Variants in FGF6 observed in about 807,000 individuals in gnomAD.
FGF6 encodes FGF-6.
Under a neutral mutation model 18.4 loss-of-function variants are expected in FGF6, and 14 were observed. That is an observed-to-expected ratio of 0.76 (90% CI 0.50 to 1.19). The LOEUF is 1.19. Among genes scored for constraint, FGF6 ranks in the 50% most tolerant of loss-of-function variants. The pLI, the probability that FGF6 is intolerant of heterozygous loss-of-function variation, is 0.00. For synonymous variants in FGF6, 125 were observed against 116.7 expected (o/e 1.07, Z -0.46); for missense variants, 266 against 271.6 (o/e 0.98, Z 0.15).
rs576882528 is a variant in FGF6 at position 4,445,757 on chromosome 12, C to T, written c.-187G>A. 1.4e-4 allele frequency: 81 copies of T among 592,732 alleles called. No homozygotes were observed. Among genetic ancestry groups the T allele is most frequent in the Non-Finnish European group, 2.1e-4 (71 of 336,052 alleles). 36.7% of individuals were successfully genotyped at this position (592,732 alleles called of 1,614,324 possible). A position where few individuals can be genotyped will look rare whatever the true frequency, so the allele number is the denominator to read the frequency against. On this transcript the variant is annotated 5_prime_UTR_variant, in exon 1 of 3. Transcript: ENST00000228837. The surrounding 1 kb of genome is among the most constrained non-coding windows in gnomAD (Gnocchi z 5.5). ...AGAGGGACCCAGGCTGAGCCGCGGCCGGTAGAGACCATGGCTCGGGGACGC... is the reference window on the plus strand; with the variant it reads ...AGAGGGACCCAGGCTGAGCCGCGGCTGGTAGAGACCATGGCTCGGGGACGC...
intron 2 of FGF6, among the ~76,000 whole-genome samples, chr12:4,435,204 G>A (rs893557137): frequency 6.6e-6 from 1 of 152,054 alleles, no homozygotes; most frequent in Admixed American, 6.5e-5. Context: ...GCGGGACCTG[G>A]GCTGTACAGC....
At chr12:4,440,746 C>T (rs1195785383) in intron 2 of FGF6, among the ~76,000 whole-genome samples, 11 of 152,236 alleles carry the variant, frequency 7.2e-5, no homozygotes, top group Non-Finnish European at 1.6e-4. Context: ...TAAGGGCATG[C>T]ACCTCCCGCT....
chr12:4,444,254 G>T lies in FGF6; in HGVS notation c.347-18C>A. 2 of 1,541,148 alleles carry T rather than the reference G, an allele frequency of 1.3e-6. No homozygotes were observed. The highest frequency in any genetic ancestry group is 1.7e-5 in the Admixed American group (1 of 59,770). On this transcript the variant is annotated intron_variant, in intron 1 of 2. Transcript: ENST00000228837. ...CAGCAGGCCTGACAAGGAAAGGGGG[G>T]CCACATTACCTAAGGCTTGTGCAAA...
intron 2 of FGF6, among the ~76,000 whole-genome samples, chr12:4,441,983 A>G (rs1160415587): frequency 6.6e-6 from 1 of 151,408 alleles, no homozygotes; most frequent in Non-Finnish European, 1.5e-5. Context: ...CTCTGTGTGC[A>G]GGCCCGGCTG....
intron 2 of FGF6, among the ~76,000 whole-genome samples, chr12:4,442,475 T>C (rs1865703830): frequency 6.6e-6 from 1 of 152,094 alleles, no homozygotes; most frequent in Non-Finnish European, 1.5e-5. Flanking sequence ...AAAAAAGTAA[T>C]AAATGGTTTG....
At chr12:4,444,575 A>ATTC (rs761614152) in intron 1 of FGF6, among the ~76,000 whole-genome samples, 1 of 152,078 alleles carries the variant, frequency 6.6e-6, no homozygotes, top group Admixed American at 6.5e-5. Flanking sequence ...ATAAATTCTG[A>ATTC]TTCTTCTTCT....
chr12:4,443,886 C>T (rs1304921338), intron 2 of FGF6, among the ~76,000 whole-genome samples: 3 of 152,132 alleles, frequency 2.0e-5, no homozygotes, highest in Non-Finnish European at 4.4e-5. Flanking sequence ...CTGTGGTTTC[C>T]GTTTAAGCAC....
chr12:4,436,292 G>T (rs1230875639), intron 2 of FGF6, among the ~76,000 whole-genome samples: 1 of 152,106 alleles, frequency 6.6e-6, no homozygotes, highest in Non-Finnish European at 1.5e-5. Flanking sequence ...ACTGTGTCTT[G>T]CTTGGTACAT....
Position 4,444,155 on chromosome 12 carries a change from C to T in FGF6, c.428G>A (p.Ser143Asn), listed in dbSNP as rs569853562. 8.4e-5 allele frequency: 136 copies of T among 1,613,202 alleles called. 2 individuals carry two copies. In the East Asian group the frequency reaches 2.0e-3, roughly 24 times the overall value. ...VRSALFVAMN[S>N]KGRLYATPSF... ...CACCGTTGCGTACAATCTTCCTTTA[C>T]TGTTCATGGCAACGAAGAGGGCACT... Residue 143 changes from serine to asparagine, a missense_variant, in exon 2 of 3, where the codon AGT becomes AAT. Coordinates refer to ENST00000228837, the MANE Select transcript of FGF6 (RefSeq NM_020996.3).
chr12:4,445,355 C>T lies in FGF6; in HGVS notation c.216G>A (p.Val72=), dbSNP rs752344976. Residue 72 remains valine, a synonymous_variant, in exon 1 of 3, where the codon GTG becomes GTA. Transcript: ENST00000228837. This position sits in a 1 kb window ranked among gnomAD's most constrained non-coding sequence, Gnocchi z 5.5. ...RAGLAGEIAG[V]NWESGYLVGI... ...CCACCAAATAGCCACTTTCCCAGTT[C>T]ACCCCGGCAATCTCTCCAGCTAGCC... 3.1e-5 allele frequency: 50 copies of T among 1,613,922 alleles called. No homozygotes were observed. The highest frequency in any genetic ancestry group is 4.0e-5 in the Non-Finnish European group (47 of 1,180,044).
chr12:4,445,521 C>A lies in FGF6; in HGVS notation c.50G>T (p.Arg17Leu). 6.2e-7 allele frequency: 1 copy of A among 1,611,610 alleles called. No individual in the cohort carries two copies. The highest frequency in any genetic ancestry group is 8.5e-7 in the Non-Finnish European group (1 of 1,179,406). ...GAGAGCCCACAGCGTGCCCTGCAGACGTCCTGCTCCCCGGGACATAGTGAT... is the reference window on the plus strand; with the variant it reads ...GAGAGCCCACAGCGTGCCCTGCAGAAGTCCTGCTCCCCGGGACATAGTGAT... ...LFITMSRGAG[R>L]LQGTLWALVF... The change falls in exon 1 of 3, where the codon CGT becomes CTT. Residue 17 changes from arginine (R) to leucine (L), a missense_variant. By Grantham distance (102) the Arg-to-Leu change is moderately radical. Transcript: ENST00000228837. The surrounding 1 kb of genome is among the most constrained non-coding windows in gnomAD (Gnocchi z 5.5).
At chr12:4,435,192 G>C (rs1040999271) in intron 2 of FGF6, among the ~76,000 whole-genome samples, 1 of 152,068 alleles carries the variant, frequency 6.6e-6, no homozygotes, top group African/African-American at 2.4e-5. Context: ...GCCCATACCC[G>C]TGCGGGACCT....
chr12:4,442,876 C>T (rs1865708877), intron 2 of FGF6, among the ~76,000 whole-genome samples: 1 of 152,198 alleles, frequency 6.6e-6, no homozygotes, highest in Admixed American at 6.5e-5. Context: ...CTGCTGACCC[C>T]CAAGCCTGCC....
chr12:4,444,048 C>G (rs1179537007), intron 2 of FGF6, 85 bp downstream of exon 2: 1 of 849,380 alleles, frequency 1.2e-6, no homozygotes. Flanking sequence ...AGTCACTTCT[C>G]TACTCAGGAC....
chr12:4,441,432 A>G (rs1005200425), intron 2 of FGF6, among the ~76,000 whole-genome samples: 4 of 152,130 alleles, frequency 2.6e-5, no homozygotes, highest in Non-Finnish European at 1.5e-5. Context: ...TGCACCTCCT[A>G]GGGGTGCTGT....
At chr12:4,444,972 T>TGCCC (rs1565472256) in intron 1 of FGF6, among the ~76,000 whole-genome samples, 1 of 152,154 alleles carries the variant, frequency 6.6e-6, no homozygotes, top group East Asian at 1.9e-4. Context: ...AGGCATCAGA[T>TGCCC]GGGCCAGTAA....
intron 2 of FGF6, 72 bp downstream of exon 2, chr12:4,444,061 C>A: frequency 1.0e-6 from 1 of 974,712 alleles, no homozygotes. Context: ...CTCAGGACTT[C>A]ATATTATTTT....
chr12:4,439,320 C>T (rs1364313011), intron 2 of FGF6, among the ~76,000 whole-genome samples: 14 of 152,132 alleles, frequency 9.2e-5, no homozygotes, highest in Non-Finnish European at 2.1e-4. Context: ...TGGAGAGTAA[C>T]CCGCCCAGTC....
In FGF6 at chr12:4,434,328, C is replaced by A. The variant is rs372503617; in HGVS notation, c.514G>T (p.Glu172Ter). The A allele has an allele frequency of 6.2e-7, 1 of 1,613,972 alleles. No homozygotes were observed. Among genetic ancestry groups the A allele is most frequent in the African/African-American group, 1.3e-5 (1 of 74,906 alleles). ...TLLPNNYNAY[E>*]SDLYQGTYIA... ...TAGGTCCCTTGGTACAAGTCTGACT[C>A]GTAGGCATTGTAATTGTTGGGCAGG... The change falls in exon 3 of 3, where the codon GAG (glutamate) becomes TAG (stop). Residue 172 changes from glutamate to a stop codon, truncating the protein, a stop_gained. Coordinates refer to ENST00000228837, the MANE Select transcript of FGF6 (RefSeq NM_020996.3). LOFTEE classifies it high-confidence loss of function.
Sources: gnomAD v4.1 joint callset for allele counts (sites outside exome capture counted in the v4.1 genomes callset) on GRCh38, gnomAD v4.1.1 for gene constraint, Gnocchi (gnomAD v3.1) non-coding constraint, MANE v1.5 for transcripts, NCBI Gene and HGNC (gene_info 2026-07-23, HGNC 2026-07-21) for gene names.